The following HEXD variants were observed in gnomAD, a reference collection of about 807,000 sequenced individuals.
HEXD encodes the protein hexosaminidase D, also known as N-acetyl-beta-galactosaminidase.
A neutral mutation model predicts 54.2 loss-of-function variants in HEXD; 47 were observed. The ratio of observed to expected loss-of-function variants is 0.87; its 90% CI spans 0.69 to 1.11. The LOEUF is 1.11. HEXD is among the 50% of genes least tolerant of loss of function. The pLI is 0.00. For missense variants in HEXD, 576 were observed against 649.2 expected (o/e 0.89, Z 1.23); for synonymous variants, 293 against 287.6 (o/e 1.02, Z -0.19).
At chr17:82,433,120 A>T (rs1599740722) in intron 4 of HEXD, among the ~76,000 whole-genome samples, 2 of 18,194 alleles carry the variant, frequency 1.1e-4, no homozygotes, top group Non-Finnish European at 1.5e-4. Context: ...ATATATATAT[A>T]TATATATATT....
Position 82,419,886 on chromosome 17 carries a change from A to ACG in HEXD, c.84+3_84+4insCG. The ACG allele has an allele frequency of 1.3e-6, 2 of 1,587,074 alleles. No individual in the cohort carries two copies. Among genetic ancestry groups the ACG allele is most frequent in the Non-Finnish European group, 1.7e-6 (2 of 1,156,156 alleles). On this transcript the variant is annotated splice_donor_region_variant and intron_variant, in intron 2 of 12. Coordinates refer to ENST00000327949, the MANE Select transcript of HEXD (RefSeq NM_001330542.2). ...CAAAGGTCTCGTACCTCTCAGAGGT[A>ACG]AGGACTCCCTTTTACCTCTAGAGCA...
At chr17:82,436,999 C>A (rs2053788235) in intron 7 of HEXD, 169 bp from the exon 8 acceptor site, 2 of 698,310 alleles carry the variant, frequency 2.9e-6, no homozygotes, top group Admixed American at 2.5e-5. Context: ...GTCTCCCCGA[C>A]TGGGACCCGG....
chr17:82,437,130 T>G, intron 7 of HEXD, 38 bp from the exon 8 acceptor site: 1 of 1,529,078 alleles, frequency 6.5e-7, no homozygotes, highest in Non-Finnish European at 8.9e-7. Context: ...GTTGGCCGCC[T>G]CCCCTGGAGC....
In HEXD at chr17:82,433,122, ATATATATTTTT is replaced by A. The variant is rs1176706454; in HGVS notation, c.283-534_283-524del. Among the ~76,000 whole-genome samples, 12 of 17,434 alleles carry A rather than the reference ATATATATTTTT, an allele frequency of 6.9e-4. 2 individuals are homozygous for A. Among genetic ancestry groups the A allele is most frequent in the African/African-American group, 2.4e-3 (5 of 2,116 alleles). 11.4% of individuals were successfully genotyped at this position (17,434 alleles called of 152,430 possible). A position where few individuals can be genotyped will look rare whatever the true frequency, so the allele number is the denominator to read the frequency against. On this transcript the variant is annotated intron_variant, in intron 4 of 12. Coordinates refer to ENST00000327949, the MANE Select transcript of HEXD (RefSeq NM_001330542.2). ...TATATATATATATATATATATATATATATATATTTTTTTTTTTTTTTTATATATATATTTTT... is the reference window on the plus strand; with the variant it reads ...TATATATATATATATATATATATATATTTTTTTTTTTATATATATATTTTT...
Position 82,441,282 on chromosome 17 carries a change from AGGGGCAGGTGTGGGTGAGG to A in HEXD, c.1163+25_1163+43del. 1 of 1,289,106 alleles carries A rather than the reference AGGGGCAGGTGTGGGTGAGG, an allele frequency of 7.8e-7. No individual in the cohort carries two copies. Among genetic ancestry groups the A allele is most frequent in the Non-Finnish European group, 1.0e-6 (1 of 980,944 alleles). The allele number at this position is 1,289,106 out of a possible 1,614,324, so 79.9% of individuals were successfully genotyped here. ...AGGGCAACAGGTGAGCGTGTGGGTT[AGGGGCAGGTGTGGGTGAGG>A]GGGGCAGGCATGGGGCGGGTGCAGG... On this transcript the variant is annotated intron_variant, in intron 11 of 12. Coordinates refer to ENST00000327949, the MANE Select transcript of HEXD (RefSeq NM_001330542.2).
Position 82,437,322 on chromosome 17 carries a change from C to T in HEXD, c.858C>T (p.Pro286=), listed in dbSNP as rs1439897006. The change falls in exon 8 of 13, where the codon CCC becomes CCT. Residue 286 remains proline, a synonymous_variant. Transcript: ENST00000327949. The part of the protein sequence containing the change: ...VQWLQVAGSG[P]TDSLQGIILT... ...GGCTGCAGGTGGCGGGCAGCGGGCCCACGGACTCACTGCAGGGCATCATCC... is the reference window on the plus strand; with the variant it reads ...GGCTGCAGGTGGCGGGCAGCGGGCCTACGGACTCACTGCAGGGCATCATCC... 3 of 1,610,602 alleles carry T rather than the reference C, an allele frequency of 1.9e-6. No homozygotes were observed. The highest frequency in any genetic ancestry group is 2.5e-6 in the Non-Finnish European group (3 of 1,178,976).
Position 82,436,653 on chromosome 17 carries a change from C to A in HEXD, c.632-14C>A. On this transcript the variant is annotated splice_polypyrimidine_tract_variant and intron_variant, in intron 6 of 12. Coordinates refer to ENST00000327949, the MANE Select transcript of HEXD (RefSeq NM_001330542.2). ...CCAGGTGTCTCACCAACCTCACGTCCGCTCTGTCTGCAGCGTCCGGGGTGC... is the reference window on the plus strand; with the variant it reads ...CCAGGTGTCTCACCAACCTCACGTCAGCTCTGTCTGCAGCGTCCGGGGTGC... 6.2e-7 allele frequency: 1 copy of A among 1,604,366 alleles called. No individual in the cohort carries two copies. Among genetic ancestry groups the A allele is most frequent in the Non-Finnish European group, 8.5e-7 (1 of 1,177,188 alleles).
Position 82,437,263 on chromosome 17 carries a change from CCT to C in HEXD, c.800_801del (p.Pro267ArgfsTer2), listed in dbSNP as rs753119401. 11 of 1,612,318 alleles carry C rather than the reference CCT, an allele frequency of 6.8e-6. No homozygotes were observed. The highest frequency in any genetic ancestry group is 2.7e-5 in the African/African-American group (2 of 75,056). ...GATGPSQAVP[P>X]VEHHLRNHVQ... ...CACGGGGCCCAGCCAGGCCGTGCCCCCTGTTGAGCACCACCTCAGGAACCACG... is the reference window on the plus strand; with the variant it reads ...CACGGGGCCCAGCCAGGCCGTGCCCCGTTGAGCACCACCTCAGGAACCACG... On this transcript the variant is annotated frameshift_variant, in exon 8 of 13. Coordinates refer to ENST00000327949, the MANE Select transcript of HEXD (RefSeq NM_001330542.2). LOFTEE classifies it high-confidence loss of function.
chr17:82,432,829 C>T (rs1192177635), intron 4 of HEXD, among the ~76,000 whole-genome samples: 6 of 151,428 alleles, frequency 4.0e-5, no homozygotes, highest in East Asian at 3.9e-4. Flanking sequence ...TTTGGGAGGC[C>T]AAGGCGGGCA....
At chr17:82,431,085 G>A (rs1170806814) in intron 4 of HEXD, among the ~76,000 whole-genome samples, 1 of 150,252 alleles carries the variant, frequency 6.7e-6, no homozygotes, top group Non-Finnish European at 1.5e-5. Flanking sequence ...GCAGCCCTGA[G>A]CTTCTGGGCT....
chr17:82,433,114 ATATATATATATATATTTTTTTTTTTTT>A lies in HEXD; in HGVS notation c.283-542_283-516del, dbSNP rs1406812876. On this transcript the variant is annotated intron_variant, in intron 4 of 12. Coordinates refer to ENST00000327949, the MANE Select transcript of HEXD (RefSeq NM_001330542.2). ...AAAATATATATATATATATATATAT[ATATATATATATATATTTTTTTTTTTTT>A]TTTATATATATATTTTTAGTCTGGG... Among the ~76,000 whole-genome samples the A allele has an allele frequency of 3.4e-4, 6 of 17,670 alleles. 2 individuals carry two copies. Among genetic ancestry groups the A allele is most frequent in the South Asian group, 4.6e-3 (2 of 432 alleles). The allele number at this position is 17,670 out of a possible 152,430, so 11.6% of individuals were successfully genotyped here.
chr17:82,437,179 C>G lies in HEXD; in HGVS notation c.715C>G (p.Gln239Glu). The G allele has an allele frequency of 6.3e-7, 1 of 1,587,694 alleles. No homozygotes were observed. Among genetic ancestry groups the G allele is most frequent in the Non-Finnish European group, 8.6e-7 (1 of 1,163,324 alleles). Residue 239 changes from glutamine (Q) to glutamate (E), a missense_variant, in exon 8 of 13, where the codon CAG becomes GAG. Transcript: ENST00000327949. ...GCTTTCTCACCCAGTCCTCCTCATGCAGAAGTACCGGCGGTGCGGCTTTCC... is the reference window on the plus strand; with the variant it reads ...GCTTTCTCACCCAGTCCTCCTCATGGAGAAGTACCGGCGGTGCGGCTTTCC... ...LDVHGKVLLM[Q>E]KYRRCGFPQL...
In HEXD at chr17:82,436,654, GCT is replaced by G; in HGVS notation, c.632-10_632-9del. The G allele has an allele frequency of 1.2e-6, 2 of 1,603,080 alleles. No individual in the cohort carries two copies. The highest frequency in any genetic ancestry group is 1.7e-6 in the Non-Finnish European group (2 of 1,176,308). On this transcript the variant is annotated splice_polypyrimidine_tract_variant and intron_variant, in intron 6 of 12. Coordinates refer to ENST00000327949, the MANE Select transcript of HEXD (RefSeq NM_001330542.2). ...CAGGTGTCTCACCAACCTCACGTCCGCTCTGTCTGCAGCGTCCGGGGTGCCGC... is the reference window on the plus strand; with the variant it reads ...CAGGTGTCTCACCAACCTCACGTCCGCTGTCTGCAGCGTCCGGGGTGCCGC...
At chr17:82,435,557 G>C in intron 5 of HEXD, 132 bp from the exon 6 acceptor site, 1 of 816,880 alleles carries the variant, frequency 1.2e-6, no homozygotes, top group East Asian at 2.7e-5. Context: ...GGTAAGCAAA[G>C]GCTCCGAGCC....
intron 8 of HEXD, among the ~76,000 whole-genome samples, chr17:82,439,159 C>T (rs1224968312): frequency 6.6e-6 from 1 of 152,240 alleles, no homozygotes; most frequent in African/African-American, 2.4e-5. Context: ...TGATCTCTCG[C>T]CCTCCTCATG....
At chr17:82,432,809 A>G (rs1242940088) in intron 4 of HEXD, among the ~76,000 whole-genome samples, 2 of 151,772 alleles carry the variant, frequency 1.3e-5, no homozygotes, top group Non-Finnish European at 2.9e-5. Flanking sequence ...CACGCCTGTA[A>G]TCCCAGCACT....
In HEXD at chr17:82,418,366, C is replaced by T. The variant is rs1271794614; in HGVS notation, c.-426C>T. 5 of 1,347,614 alleles carry T rather than the reference C, an allele frequency of 3.7e-6. No homozygotes were observed. The highest frequency in any genetic ancestry group is 6.2e-5 in the East Asian group (2 of 32,128). 83.5% of individuals were successfully genotyped at this position (1,347,614 alleles called of 1,614,324 possible). A position where few individuals can be genotyped will look rare whatever the true frequency, so the allele number is the denominator to read the frequency against. ...AGCCCCAGTCCCGCCCACTCCATGG[C>T]CCTGTCCGCCGCCGCAGCGCGCGCC... On this transcript the variant is annotated 5_prime_UTR_variant, in exon 1 of 13. Coordinates refer to ENST00000327949, the MANE Select transcript of HEXD (RefSeq NM_001330542.2).
rs1397908148 is a variant in HEXD at position 82,442,642 on chromosome 17, G to GT, written c.*259dup. The stretch of plus-strand genomic sequence containing the variant: ...TGGAAATAAAGAGTGGAAGCTGCAG[G>GT]TGACACGTGAAGGGTTATTTATGGT... On this transcript the variant is annotated 3_prime_UTR_variant, in exon 13 of 13. Transcript: ENST00000327949. This position sits in a 1 kb window ranked among gnomAD's most constrained non-coding sequence, Gnocchi z 6.8. 11 of 1,503,764 alleles carry GT rather than the reference G, an allele frequency of 7.3e-6. No homozygotes were observed. 93.2% of individuals were successfully genotyped at this position (1,503,764 alleles called of 1,614,324 possible). A position where few individuals can be genotyped will look rare whatever the true frequency, so the allele number is the denominator to read the frequency against.
Position 82,433,704 on chromosome 17 carries a change from C to T in HEXD, c.329C>T (p.Ser110Phe), listed in dbSNP as rs1230330469. 1.9e-6 allele frequency: 3 copies of T among 1,612,138 alleles called. No homozygotes were observed. The highest frequency in any genetic ancestry group is 2.2e-5 in the East Asian group (1 of 44,702). Reference protein sequence around the residue: ...TAFAHLREVGSFPCTLNPHEA... With the variant: ...TAFAHLREVGFFPCTLNPHEA... ...TTCGCCCACCTGCGGGAGGTGGGCT[C>T]CTTCCCCTGCACCCTGAACCCCCAC... The change falls in exon 5 of 13, where the codon TCC becomes TTC. Residue 110 changes from serine to phenylalanine, a missense_variant. By Grantham distance (155) the Ser-to-Phe change is radical. Transcript: ENST00000327949.
Sources: gnomAD v4.1 joint callset for allele counts (sites outside exome capture counted in the v4.1 genomes callset) on GRCh38, gnomAD v4.1.1 for gene constraint, Gnocchi (gnomAD v3.1) non-coding constraint, MANE v1.5 for transcripts, NCBI Gene and HGNC (gene_info 2026-07-23, HGNC 2026-07-21) for gene names.